The following FBXL13 variants were observed in gnomAD, a reference collection of about 807,000 sequenced individuals.
FBXL13 encodes the protein F-box and leucine-rich repeat protein 13.
A neutral mutation model predicts 83.6 loss-of-function variants in FBXL13; 67 were observed. The ratio of observed to expected loss-of-function variants is 0.80; its 90% CI spans 0.66 to 0.98. FBXL13 has a LOEUF of 0.98. Ranked by LOEUF, FBXL13 falls within the 50% of genes least tolerant of loss-of-function variation. FBXL13 has a pLI of 0.00. For missense variants in FBXL13, 822 were observed against 866.5 expected (o/e 0.95, Z 0.64); for synonymous variants, 272 against 299.5 (o/e 0.91, Z 0.95).
intron 6 of FBXL13, among the ~76,000 whole-genome samples, chr7:102,976,652 G>A (rs1329051225): frequency 2.6e-5 from 4 of 151,698 alleles, no homozygotes; most frequent in Non-Finnish European, 5.9e-5. Context: ...ACTCCCGTCC[G>A]TCCACATTAC....
intron 6 of FBXL13, chr7:102,973,336 G>A (rs1204716885): frequency 1.5e-5 from 9 of 615,408 alleles, no homozygotes; most frequent in Non-Finnish European, 2.7e-5. Context: ...GAAGCAGGAA[G>A]AGAGCCGGCC....
chr7:102,878,635 A>C (rs564967303), intron 14 of FBXL13, among the ~76,000 whole-genome samples, 185 bp from the exon 16 acceptor site: 2 of 152,314 alleles, frequency 1.3e-5, no homozygotes, highest in African/African-American at 4.8e-5. Flanking sequence ...AAAATGTATA[A>C]ATGAGAGGAA....
intron 16 of FBXL13, among the ~76,000 whole-genome samples, chr7:102,861,008 T>C (rs1479201409): frequency 6.7e-6 from 1 of 148,278 alleles, no homozygotes; most frequent in Non-Finnish European, 1.5e-5. Flanking sequence ...CATATATATA[T>C]ACACACAAAT....
chr7:103,033,100 G>C (rs1184391376), intron 2 of FBXL13, among the ~76,000 whole-genome samples: 3 of 152,114 alleles, frequency 2.0e-5, no homozygotes, highest in Non-Finnish European at 4.4e-5. Context: ...CACACACACA[G>C]AGTTCTAAAA....
At chr7:102,934,060 A>G (rs1475734932) in intron 8 of FBXL13, 1 of 1,614,184 alleles carries the variant, frequency 6.2e-7, no homozygotes, top group Non-Finnish European at 8.5e-7. Flanking sequence ...AACGCTACGC[A>G]CCAGGCCTCC....
intron 2 of FBXL13, among the ~76,000 whole-genome samples, chr7:103,048,110 G>A (rs367753146): frequency 3.9e-4 from 59 of 152,172 alleles, no homozygotes; most frequent in South Asian, 2.1e-3. Flanking sequence ...AAATAATTCT[G>A]TTTACCTCTC....
chr7:103,026,543 C>A (rs530100268), intron 5 of FBXL13, among the ~76,000 whole-genome samples: 1 of 152,242 alleles, frequency 6.6e-6, no homozygotes, highest in East Asian at 1.9e-4. Flanking sequence ...AAAGGCAAAG[C>A]CTAGAGGACA....
chr7:102,884,653 A>C (rs1288759529), intron 11 of FBXL13, among the ~76,000 whole-genome samples: 2 of 152,136 alleles, frequency 1.3e-5, no homozygotes, highest in Non-Finnish European at 2.9e-5. Context: ...TCTTTAAAAA[A>C]ATTTTTTTAA....
Position 103,037,893 on chromosome 7 carries a change from C to T in FBXL13, c.1-8475G>A, listed in dbSNP as rs115654429. Among the ~76,000 whole-genome samples the T allele has an allele frequency of 4.7e-3, 708 of 152,052 alleles. 7 individuals are homozygous for T. The highest frequency in any genetic ancestry group is 0.016 in the African/African-American group (677 of 41,496). On this transcript the variant is annotated intron_variant, in intron 2 of 19. Transcript: ENST00000313221. ...CTCCCAGCGAGATCCACGCAGAAGA[C>T]GGATGATTTCTGCATTTCCAGCTGA...
chr7:102,994,767 T>G (rs1321531715), intron 6 of FBXL13, among the ~76,000 whole-genome samples: 1 of 152,228 alleles, frequency 6.6e-6, no homozygotes, highest in Non-Finnish European at 1.5e-5. Context: ...TCAATGCTGC[T>G]GGCTTCTGAT....
chr7:103,038,434 T>G (rs1319960265), intron 2 of FBXL13, among the ~76,000 whole-genome samples: 2 of 152,254 alleles, frequency 1.3e-5, no homozygotes, highest in Non-Finnish European at 2.9e-5. Flanking sequence ...TAAACGTCCC[T>G]GTCTGACAGC....
At chr7:103,054,502 C>G (rs1286571903) in intron 2 of FBXL13, among the ~76,000 whole-genome samples, 1 of 151,816 alleles carries the variant, frequency 6.6e-6, no homozygotes, top group Non-Finnish European at 1.5e-5. Flanking sequence ...CTCTCTTAAA[C>G]ATTTATCTTT....
chr7:102,981,454 T>C (rs1217076551), intron 6 of FBXL13, among the ~76,000 whole-genome samples: 2 of 152,080 alleles, frequency 1.3e-5, no homozygotes, highest in African/African-American at 4.8e-5. Context: ...CAGTCTCTCA[T>C]CCCACAGACT....
chr7:102,912,355 CTA>C (rs1814849270), intron 11 of FBXL13, among the ~76,000 whole-genome samples: 1 of 152,120 alleles, frequency 6.6e-6, no homozygotes, highest in Admixed American at 6.6e-5. Context: ...AATGAACATA[CTA>C]TGACACCAAA....
At chr7:102,915,997 T>G (rs75716414) in intron 10 of FBXL13, among the ~76,000 whole-genome samples, 1 of 151,312 alleles carries the variant, frequency 6.6e-6, no homozygotes, top group South Asian at 2.1e-4. Flanking sequence ...TTTTTTTTTT[T>G]GTTTGAGACG....
intron 8 of FBXL13, chr7:102,939,405 AC>A (rs1820955167): frequency 1.9e-6 from 3 of 1,588,760 alleles, no homozygotes; most frequent in African/African-American, 1.4e-5. Flanking sequence ...GAGCATAATA[AC>A]GTAAATATTA....
At chr7:102,932,044 T>C in intron 8 of FBXL13, 111 bp from the exon 10 acceptor site, 1 of 1,011,372 alleles carries the variant, frequency 9.9e-7, no homozygotes, top group Non-Finnish European at 1.4e-6. Context: ...ACAAAAACCT[T>C]GGCAAGTAAC....
intron 18 of FBXL13, among the ~76,000 whole-genome samples, chr7:102,831,372 G>C (rs1158040788): frequency 6.7e-6 from 1 of 149,376 alleles, no homozygotes; most frequent in East Asian, 2.0e-4. Flanking sequence ...CAGGCATGCT[G>C]TTAAACATCT....
intron 17 of FBXL13, among the ~76,000 whole-genome samples, chr7:102,843,872 A>G (rs1158180732): frequency 6.6e-6 from 1 of 152,220 alleles, no homozygotes; most frequent in Non-Finnish European, 1.5e-5. Context: ...GAAGAGGACA[A>G]TGAGAGAAGT....
Sources: allele counts gnomAD v4.1 joint callset (sites outside exome capture counted in the v4.1 genomes callset), GRCh38; gene constraint gnomAD v4.1.1; transcripts MANE v1.5; gene names NCBI Gene and HGNC (gene_info 2026-07-23, HGNC 2026-07-21).